COA1: variants seen among roughly 807,000 people sequenced by gnomAD.
COA1 encodes cytochrome c oxidase assembly factor 1 homolog.
COA1 carries 13 observed loss-of-function variants against 16.0 expected under a neutral mutation model. That is an observed-to-expected ratio of 0.81 (90% CI 0.53 to 1.29). The LOEUF is 1.29. Ranked by LOEUF, COA1 falls within the 50% of genes most tolerant of loss-of-function variation. COA1 has a pLI of 0.00. For missense variants in COA1, 179 were observed against 177.0 expected, an observed-to-expected ratio of 1.01 and a Z score of -0.06; for synonymous variants, 65 against 65.7, an observed-to-expected ratio of 0.99 and a Z score of 0.05.
At chr7:43,649,643 A>AT (rs2090351709) in intron 1 of COA1, 1 of 152,260 alleles carries the variant, frequency 6.6e-6, no homozygotes, top group South Asian at 2.1e-4. Flanking sequence ...AATTAAACAA[A>AT]TAATTATAAC....
intron 1 of COA1, among the ~76,000 whole-genome samples, chr7:43,666,142 C>A (rs1563309398): frequency 6.6e-6 from 1 of 152,160 alleles, no homozygotes; most frequent in African/African-American, 2.4e-5. Context: ...TTAAGATGTT[C>A]AATCTTCTTT....
intron 1 of COA1, chr7:43,649,934 C>G (rs2090416369): frequency 6.6e-6 from 1 of 152,188 alleles, no homozygotes; most frequent in Non-Finnish European, 1.5e-5. Context: ...AGGGCATCAG[C>G]GGAGGTTTCA....
chr7:43,657,070 A>AC (rs1491332605), intron 1 of COA1: 7 of 152,106 alleles, frequency 4.6e-5, no homozygotes, highest in Non-Finnish European at 1.0e-4. Context: ...ATTAAAAAAA[A>AC]CAGTCAAGAA....
intron 1 of COA1, among the ~76,000 whole-genome samples, chr7:43,664,805 A>G (rs923729933): frequency 5.3e-4 from 81 of 152,234 alleles, no homozygotes; most frequent in African/African-American, 1.9e-3. Flanking sequence ...GCTAGCCATC[A>G]GCTAGGATCA....
intron 1 of COA1, among the ~76,000 whole-genome samples, chr7:43,655,371 C>A (rs1189562715): frequency 6.6e-6 from 1 of 152,168 alleles, no homozygotes; most frequent in Non-Finnish European, 1.5e-5. Flanking sequence ...CCAGATATTG[C>A]CGGGCATGTT....
chr7:43,677,582 T>C (rs1285784142), intron 1 of COA1, among the ~76,000 whole-genome samples: 1 of 152,112 alleles, frequency 6.6e-6, no homozygotes, highest in East Asian at 1.9e-4. Flanking sequence ...GTGGATCACC[T>C]GAAGTCAGGA....
intron 6 of COA1, chr7:43,624,712 T>G (rs1428129528): frequency 1.9e-6 from 3 of 1,613,982 alleles, no homozygotes; most frequent in Non-Finnish European, 2.5e-6. Flanking sequence ...GAGTTAATTG[T>G]AGTTACTTCA....
At chr7:43,699,499 AT>A (rs1585159436) in intron 1 of COA1, among the ~76,000 whole-genome samples, 1 of 152,150 alleles carries the variant, frequency 6.6e-6, no homozygotes, top group East Asian at 1.9e-4. Flanking sequence ...TATGTTTTAT[AT>A]TTGCTCCTAG....
At chr7:43,726,316 G>T (rs2095616328) in intron 1 of COA1, among the ~76,000 whole-genome samples, 1 of 152,096 alleles carries the variant, frequency 6.6e-6, no homozygotes, top group African/African-American at 2.4e-5. Flanking sequence ...CACTAACTGG[G>T]AACTACTATG....
At chr7:43,674,600 GA>G (rs1320815073) in intron 1 of COA1, among the ~76,000 whole-genome samples, 1 of 152,212 alleles carries the variant, frequency 6.6e-6, no homozygotes, top group Non-Finnish European at 1.5e-5. Context: ...CCTTGTGTTA[GA>G]AAAGAATTAA....
At chr7:43,619,666 A>G in intron 6 of COA1, 1 of 1,614,128 alleles carries the variant, frequency 6.2e-7, no homozygotes, top group Non-Finnish European at 8.5e-7. Flanking sequence ...TGGCCTTTCA[A>G]GAATATTGAA....
intron 1 of COA1, among the ~76,000 whole-genome samples, chr7:43,714,496 G>C (rs1309266043): frequency 6.6e-6 from 1 of 151,598 alleles, no homozygotes; most frequent in African/African-American, 2.4e-5. Flanking sequence ...GGGTATGGTG[G>C]TGCAAGCCTG....
chr7:43,718,145 T>G (rs1396620760), intron 1 of COA1, among the ~76,000 whole-genome samples: 1 of 152,258 alleles, frequency 6.6e-6, no homozygotes, highest in Non-Finnish European at 1.5e-5. Context: ...ATTTTTTATT[T>G]CTTGAAACAC....
At chr7:43,718,774 T>C (rs1420495670) in intron 1 of COA1, among the ~76,000 whole-genome samples, 1 of 152,186 alleles carries the variant, frequency 6.6e-6, no homozygotes, top group African/African-American at 2.4e-5. Context: ...ATCTGATTGG[T>C]TCATAGTTTT....
chr7:43,630,167 A>T (rs2153037738), intron 6 of COA1, among the ~76,000 whole-genome samples: 2 of 152,256 alleles, frequency 1.3e-5, no homozygotes, highest in South Asian at 4.1e-4. Context: ...CTTTACAGAA[A>T]AAGTTTGCCA....
At chr7:43,687,281 A>AT (rs1473366463) in intron 1 of COA1, among the ~76,000 whole-genome samples, 16 of 152,214 alleles carry the variant, frequency 1.1e-4, no homozygotes, top group African/African-American at 3.9e-4. Context: ...TTTAAAAGGC[A>AT]TAAAAAGAGA....
At chr7:43,679,293 A>C (rs1445839685) in intron 1 of COA1, among the ~76,000 whole-genome samples, 3 of 149,056 alleles carry the variant, frequency 2.0e-5, no homozygotes, top group African/African-American at 7.4e-5. Context: ...AAAATGCTAA[A>C]TTTTATGTTA....
At chr7:43,619,860 G>C (rs1262797707) in intron 6 of COA1, 4 of 1,202,620 alleles carry the variant, frequency 3.3e-6, no homozygotes, top group Non-Finnish European at 4.6e-6. Flanking sequence ...TATTCCTTTG[G>C]ATTACATTTT....
chr7:43,684,660 T>C (rs530407785), intron 1 of COA1, among the ~76,000 whole-genome samples: 1 of 152,096 alleles, frequency 6.6e-6, no homozygotes, highest in South Asian at 2.1e-4. Context: ...AAGTGGAAAA[T>C]AACATGTCTG....
Sources: allele counts gnomAD v4.1 joint callset (sites outside exome capture counted in the v4.1 genomes callset), GRCh38; gene constraint gnomAD v4.1.1; transcripts MANE v1.5; gene names NCBI Gene and HGNC (gene_info 2026-07-23, HGNC 2026-07-21).